VNN1: variants seen among roughly 807,000 people sequenced by gnomAD.
The protein encoded by VNN1 is pantetheinase.
A neutral mutation model predicts 41.9 loss-of-function variants in VNN1; 29 were observed. The observed-to-expected ratio is 0.69, with a 90% CI of 0.52 to 0.94. VNN1 has a LOEUF of 0.94. VNN1 is among the 40% of genes least tolerant of loss of function. The probability of loss-of-function intolerance (pLI) is 0.00; values close to 1 mark genes in which losing one functional copy is unlikely to be tolerated. For missense variants in VNN1, 637 were observed against 621.1 expected (o/e 1.03, Z -0.27); for synonymous variants, 233 against 224.4 (o/e 1.04, Z -0.34).
chr6:132,702,151 T>C (rs929887019), intron 2 of VNN1, among the ~76,000 whole-genome samples: 2 of 152,208 alleles, frequency 1.3e-5, no homozygotes, highest in Non-Finnish European at 2.9e-5. Flanking sequence ...TACCAGTCCA[T>C]GGCCTGTTAG....
intron 5 of VNN1, among the ~76,000 whole-genome samples, chr6:132,691,458 G>C (rs1224447682): frequency 6.6e-6 from 1 of 152,040 alleles, no homozygotes; most frequent in Non-Finnish European, 1.5e-5. Flanking sequence ...AACTATCTTG[G>C]TGGTCAACCC....
chr6:132,683,358 C>CA (rs1422752996), intron 6 of VNN1, 36 bp from the exon 7 acceptor site: 45 of 1,574,674 alleles, frequency 2.9e-5, no homozygotes, highest in Non-Finnish European at 3.8e-5. Flanking sequence ...AGGCTACCTT[C>CA]AAGTTTTACA....
At chr6:132,684,678 T>TA (rs1202931048) in intron 5 of VNN1, among the ~76,000 whole-genome samples, 173 bp from the exon 6 acceptor site, 43 of 151,564 alleles carry the variant, frequency 2.8e-4, no homozygotes, top group Non-Finnish European at 6.2e-4. Flanking sequence ...ATTTTAAAGA[T>TA]AAAAAATAGA....
intron 2 of VNN1, among the ~76,000 whole-genome samples, chr6:132,710,840 C>A (rs1276847084): frequency 6.6e-6 from 1 of 152,192 alleles, no homozygotes; most frequent in African/African-American, 2.4e-5. Flanking sequence ...CATATGCATG[C>A]ATGTGTCTTT....
chr6:132,698,950 T>C (rs905609139), intron 2 of VNN1: 1 of 186,072 alleles, frequency 5.4e-6, no homozygotes, highest in African/African-American at 2.4e-5. Context: ...GACTTTGAAG[T>C]ACAAGATGTT....
intron 2 of VNN1, among the ~76,000 whole-genome samples, chr6:132,694,501 T>A (rs1359709083): frequency 3.3e-5 from 5 of 152,208 alleles, no homozygotes; most frequent in African/African-American, 1.2e-4. Flanking sequence ...GTGGATATCA[T>A]AGATCAATGA....
intron 5 of VNN1, among the ~76,000 whole-genome samples, chr6:132,688,904 TTTGAGACAGAGTCTCAC>T (rs1299639864): frequency 6.6e-6 from 1 of 152,234 alleles, no homozygotes; most frequent in Non-Finnish European, 1.5e-5. Context: ...TTTATTTTAT[TTTGAGACAGAGTCTCAC>T]TCTGTTGCCT....
At chr6:132,688,728 A>G (rs907901916) in intron 5 of VNN1, among the ~76,000 whole-genome samples, 11 of 152,310 alleles carry the variant, frequency 7.2e-5, no homozygotes, top group African/African-American at 2.6e-4. Context: ...TGTTAATATA[A>G]CATATGGTAT....
chr6:132,689,254 C>T (rs1281921516), intron 5 of VNN1, among the ~76,000 whole-genome samples: 1 of 151,490 alleles, frequency 6.6e-6, no homozygotes, highest in Non-Finnish European at 1.5e-5. Flanking sequence ...AATCAAGGCT[C>T]TCTCGTTTGT....
intron 2 of VNN1, among the ~76,000 whole-genome samples, chr6:132,707,922 A>G (rs570230151): frequency 5.4e-4 from 82 of 152,284 alleles, no homozygotes; most frequent in African/African-American, 1.7e-3. Flanking sequence ...TTAAATACCT[A>G]AAAGAGCATA....
Position 132,693,076 on chromosome 6 carries a change from C to T in VNN1, c.774G>A (p.Met258Ile). Reference sequence around the variant, plus strand: ...TGTTGGATGCAAGGAAATTGACCCTCATGCCCATAGCCCAAGCTGAGTGGA... The same window carrying T: ...TGTTGGATGCAAGGAAATTGACCCTTATGCCCATAGCCCAAGCTGAGTGGA... ...VEFHSAWAMG[M>I]RVNFLASNIH... The change falls in exon 4 of 7, where the codon ATG becomes ATA. Residue 258 changes from methionine (M) to isoleucine (I), a missense_variant. Met to Ile is a conservative substitution (Grantham distance 10). Coordinates refer to ENST00000367928, the MANE Select transcript of VNN1 (RefSeq NM_004666.3). 6.2e-7 allele frequency: 1 copy of T among 1,614,000 alleles called. No individual in the cohort carries two copies. The highest frequency in any genetic ancestry group is 8.5e-7 in the Non-Finnish European group (1 of 1,179,946).
chr6:132,700,795 A>G (rs1368574212), intron 2 of VNN1, among the ~76,000 whole-genome samples: 1 of 152,234 alleles, frequency 6.6e-6, no homozygotes, highest in Non-Finnish European at 1.5e-5. Flanking sequence ...TTCACATTTA[A>G]CAGTAATATT....
At position 132,683,370 on chromosome 6, in the gene VNN1, T is replaced by A. The variant is rs1427900049; in HGVS notation, c.1360-48A>T. On this transcript the variant is annotated intron_variant, in intron 6 of 6. Coordinates refer to ENST00000367928, the MANE Select transcript of VNN1 (RefSeq NM_004666.3). Reference sequence around the variant, plus strand: ...CAAAGGCTACCTTCAAGTTTTACAATCCCATAAATCACTTTTAAAATTTAC... The same window carrying A: ...CAAAGGCTACCTTCAAGTTTTACAAACCCATAAATCACTTTTAAAATTTAC... 4 of 1,542,170 alleles carry A rather than the reference T, an allele frequency of 2.6e-6. No homozygotes were observed. In the African/African-American group the frequency reaches 4.2e-5, roughly 16 times the overall value.
At chr6:132,706,411 C>G (rs1420696255) in intron 2 of VNN1, among the ~76,000 whole-genome samples, 3 of 152,106 alleles carry the variant, frequency 2.0e-5, no homozygotes, top group Non-Finnish European at 2.9e-5. Flanking sequence ...GGGGAAAGGA[C>G]AGTTTTTTCA....
chr6:132,709,680 G>A (rs1002618009), intron 2 of VNN1, among the ~76,000 whole-genome samples: 1 of 151,554 alleles, frequency 6.6e-6, no homozygotes, highest in Non-Finnish European at 1.5e-5. Flanking sequence ...AAAAAAGAGA[G>A]AGAGAGACAG....
rs45529035 is a variant in VNN1, at chr6:132,700,598, A to G, written c.342-6416T>C. Among the ~76,000 whole-genome samples, 1,384 of 152,226 alleles carry G rather than the reference A, an allele frequency of 9.1e-3. 22 individuals are homozygous for G. The highest frequency in any genetic ancestry group is 0.031 in the African/African-American group (1,275 of 41,520). Reference sequence around the variant, plus strand: ...GTCAAGACCCCAAGCAGAACACCAGAGGCTGGAAACCAAGAAGGGCACCCT... The same window carrying G: ...GTCAAGACCCCAAGCAGAACACCAGGGGCTGGAAACCAAGAAGGGCACCCT... On this transcript the variant is annotated intron_variant, in intron 2 of 6. Coordinates refer to ENST00000367928, the MANE Select transcript of VNN1 (RefSeq NM_004666.3).
intron 2 of VNN1, among the ~76,000 whole-genome samples, chr6:132,701,520 T>C (rs1778448895): frequency 6.6e-6 from 1 of 152,180 alleles, no homozygotes; most frequent in African/African-American, 2.4e-5. Flanking sequence ...ACCACTTCTA[T>C]TCAACATCAT....
chr6:132,695,153 A>C (rs1249462372), intron 2 of VNN1, among the ~76,000 whole-genome samples: 1 of 152,118 alleles, frequency 6.6e-6, no homozygotes, highest in Non-Finnish European at 1.5e-5. Flanking sequence ...ACTCCATCTC[A>C]AAAAAAAATT....
Position 132,693,249 on chromosome 6 carries a change from T to C in VNN1, c.601A>G (p.Thr201Ala), listed in dbSNP as rs765215449. 1 of 1,614,082 alleles carries C rather than the reference T, an allele frequency of 6.2e-7. No individual in the cohort carries two copies. Among genetic ancestry groups the C allele is most frequent in the Non-Finnish European group, 8.5e-7 (1 of 1,179,970 alleles). Residue 201 changes from threonine to alanine, a missense_variant, in exon 4 of 7, where the codon ACC becomes GCC. By Grantham distance (58) the Thr-to-Ala change is moderately conservative. Coordinates refer to ENST00000367928, the MANE Select transcript of VNN1 (RefSeq NM_004666.3). ...PKEPEIVTFN[T>A]TFGSFGIFTC... Reference sequence around the variant, plus strand: ...AAAATGCCAAAACTTCCAAAGGTGGTATTGAAAGTCACAATCTCAGGCTCC... The same window carrying C: ...AAAATGCCAAAACTTCCAAAGGTGGCATTGAAAGTCACAATCTCAGGCTCC...
Sources: allele counts gnomAD v4.1 joint callset (sites outside exome capture counted in the v4.1 genomes callset), GRCh38; gene constraint gnomAD v4.1.1; transcripts MANE v1.5; gene names NCBI Gene and HGNC (gene_info 2026-07-23, HGNC 2026-07-21).